SIPA1L3: variants seen among roughly 807,000 people sequenced by gnomAD.
The protein encoded by SIPA1L3 is signal induced proliferation associated 1 like 3, also known as signal-induced proliferation-associated 1-like protein 3.
SIPA1L3 carries 59 observed loss-of-function variants against 150.1 expected under a neutral mutation model. The ratio of observed to expected loss-of-function variants is 0.39; its 90% CI spans 0.32 to 0.49. SIPA1L3 has a LOEUF of 0.49. SIPA1L3 is among the 20% of genes least tolerant of loss of function. The pLI, the probability that SIPA1L3 is intolerant of heterozygous loss-of-function variation, is 0.86. For synonymous variants in SIPA1L3, 1,070 were observed against 1,077.6 expected, an observed-to-expected ratio of 0.99 and a Z score of 0.14; for missense variants, 2,211 against 2,489.5, an observed-to-expected ratio of 0.89 and a Z score of 2.38.
At chr19:38,201,816 G>T in intron 19 of SIPA1L3, 46 bp from the exon 20 acceptor site, 2 of 1,555,594 alleles carry the variant, frequency 1.3e-6, no homozygotes, top group South Asian at 1.2e-5. Context: ...TGCGGGAGAA[G>T]CCGGGAGCCT....
intron 1 of SIPA1L3, among the ~76,000 whole-genome samples, chr19:37,938,562 T>C (rs1336819670): frequency 6.6e-6 from 1 of 152,168 alleles, no homozygotes; most frequent in Non-Finnish European, 1.5e-5. Context: ...TTTTCATTCA[T>C]GTTTCTCCTT....
intron 12 of SIPA1L3, among the ~76,000 whole-genome samples, chr19:38,143,769 C>T (rs1443286444): frequency 1.3e-5 from 2 of 151,926 alleles, no homozygotes; most frequent in Non-Finnish European, 2.9e-5. Context: ...AAACTCCTGG[C>T]CTCAAGCGAT....
Position 38,198,389 on chromosome 19 carries a change from C to G in SIPA1L3, c.4841C>G (p.Ser1614Cys). The G allele has an allele frequency of 1.3e-6, 2 of 1,546,716 alleles. No homozygotes were observed. Among genetic ancestry groups the G allele is most frequent in the Non-Finnish European group, 1.7e-6 (2 of 1,148,580 alleles). Residue 1614 changes from serine to cysteine, a missense_variant and splice_region_variant, in exon 19 of 22, where the codon TCC becomes TGC. Coordinates refer to ENST00000222345, the MANE Select transcript of SIPA1L3 (RefSeq NM_015073.3). Reference protein sequence around the residue: ...AAGSGFPEKKSTISASELSLA... With the variant: ...AAGSGFPEKKCTISASELSLA... Reference sequence around the variant, plus strand: ...TGCCATCTCCACCCTCCCCATCCAGCCACCATCTCAGCCTCGGAGCTCTCG... The same window carrying G: ...TGCCATCTCCACCCTCCCCATCCAGGCACCATCTCAGCCTCGGAGCTCTCG...
At chr19:37,990,148 C>T (rs1967468003) in intron 1 of SIPA1L3, among the ~76,000 whole-genome samples, 1 of 152,144 alleles carries the variant, frequency 6.6e-6, no homozygotes, top group African/African-American at 2.4e-5. Flanking sequence ...CCGCATGCCT[C>T]TTCTGGTTGC....
intron 12 of SIPA1L3, among the ~76,000 whole-genome samples, chr19:38,144,439 G>A (rs1211997392): frequency 6.6e-6 from 1 of 152,240 alleles, no homozygotes; most frequent in Non-Finnish European, 1.5e-5. Flanking sequence ...CACCAAACCA[G>A]TGGTTCTCAA....
intron 15 of SIPA1L3, among the ~76,000 whole-genome samples, chr19:38,179,967 T>G (rs959497723): frequency 1.1e-3 from 163 of 152,242 alleles, no homozygotes; most frequent in African/African-American, 3.8e-3. Flanking sequence ...CTCAGCCTCC[T>G]GAGTAGCTGA....
At chr19:38,028,217 T>C (rs752047153) in intron 1 of SIPA1L3, among the ~76,000 whole-genome samples, 3 of 152,174 alleles carry the variant, frequency 2.0e-5, no homozygotes, top group Non-Finnish European at 4.4e-5. Flanking sequence ...ATTAATAATA[T>C]AAAGTTCCAA....
chr19:38,141,309 A>G lies in SIPA1L3; in HGVS notation c.3269A>G (p.His1090Arg), dbSNP rs776233238. The change falls in exon 11 of 22, where the codon CAT becomes CGT. Residue 1090 changes from histidine (H) to arginine (R), a missense_variant. Physicochemically the swap from His to Arg is conservative, Grantham distance 29. Around this residue, in one of 5 missense-constraint regions of SIPA1L3, gnomAD observed 806 missense variants for 870.1 expected, o/e 0.93. Transcript: ENST00000222345. ...TGGCAGTGGAGCGGGCCCGCATCCC[A>G]TAACTCTCTACCAGCCTCCAAGTGG... ...APWQWSGPAS[H>R]NSLPASKWAT... The G allele has an allele frequency of 4.3e-6, 7 of 1,613,862 alleles. No homozygotes were observed. The highest frequency in any genetic ancestry group is 1.6e-4 in the Middle Eastern group (1 of 6,062).
Position 38,095,454 on chromosome 19 carries a change from G to A in SIPA1L3, c.1666-4508G>A, listed in dbSNP as rs539916926. 4.6e-5 allele frequency among the ~76,000 whole-genome samples: 7 copies of A among 152,298 alleles called. No homozygotes were observed. In the South Asian group the frequency reaches 1.0e-3, roughly 23 times the overall value. On this transcript the variant is annotated intron_variant, in intron 4 of 21. Transcript: ENST00000222345. ...CAGCACAGAGTCAAGCGGGGAGTAC[G>A]TCTGAGTCAGGAGTGAGTGGGGATA...
intron 8 of SIPA1L3, 105 bp from the exon 9 acceptor site, chr19:38,119,201 A>T: frequency 1.7e-6 from 2 of 1,144,574 alleles, no homozygotes; most frequent in Non-Finnish European, 2.5e-6. Context: ...TCTCGATAAA[A>T]CAAACAAACA....
rs923460067 is a variant in SIPA1L3 at position 38,097,546 on chromosome 19, C to T, written c.1666-2416C>T. 4.6e-5 allele frequency among the ~76,000 whole-genome samples: 7 copies of T among 152,224 alleles called. No homozygotes were observed. The East Asian group carries it at 9.6e-4, about 21-fold the overall frequency. ...TGCTTTCTGATACTTTCTTTGGCCT[C>T]ACATCTATGTGTTATGTACTTTTTT... On this transcript the variant is annotated intron_variant, in intron 4 of 21. Transcript: ENST00000222345.
intron 1 of SIPA1L3, among the ~76,000 whole-genome samples, chr19:37,992,761 G>A (rs1298057716): frequency 2.6e-5 from 4 of 152,132 alleles, no homozygotes; most frequent in African/African-American, 4.8e-5. Flanking sequence ...TGTGGTTTTT[G>A]TGGGCCTGTT....
At chr19:38,154,482 T>C (rs1040989738) in intron 13 of SIPA1L3, among the ~76,000 whole-genome samples, 3 of 152,160 alleles carry the variant, frequency 2.0e-5, no homozygotes, top group African/African-American at 7.2e-5. Context: ...AGTTTCGCTC[T>C]TGTCACCCAG....
At chr19:38,066,176 C>CAACAAA (rs1338356443) in intron 2 of SIPA1L3, among the ~76,000 whole-genome samples, 1 of 151,104 alleles carries the variant, frequency 6.6e-6, no homozygotes, top group Non-Finnish European at 1.5e-5. Context: ...CCACACCTGG[C>CAACAAA]AAATTTTAAA....
At chr19:38,115,462 G>A (rs1427458516) in intron 8 of SIPA1L3, among the ~76,000 whole-genome samples, 1 of 152,200 alleles carries the variant, frequency 6.6e-6, no homozygotes, top group Admixed American at 6.5e-5. Context: ...ATCAGAGGGG[G>A]CAGACAGGAA....
chr19:38,117,950 C>T (rs1207221484), intron 8 of SIPA1L3, among the ~76,000 whole-genome samples: 2 of 152,102 alleles, frequency 1.3e-5, no homozygotes, highest in African/African-American at 4.8e-5. Context: ...CACACCCAGC[C>T]TCATTTTCTC....
intron 1 of SIPA1L3, among the ~76,000 whole-genome samples, chr19:37,944,398 G>T (rs1460493335): frequency 1.3e-5 from 2 of 152,164 alleles, no homozygotes; most frequent in Non-Finnish European, 1.5e-5. Context: ...TCTGTGCAGT[G>T]GATTGTTTGT....
intron 4 of SIPA1L3, among the ~76,000 whole-genome samples, chr19:38,096,759 G>T (rs1970388894): frequency 6.6e-6 from 1 of 152,206 alleles, no homozygotes; most frequent in Non-Finnish European, 1.5e-5. Flanking sequence ...GGCTGGTGGG[G>T]TGTAAATTGG....
At chr19:37,941,034 T>G (rs2046650033) in intron 1 of SIPA1L3, among the ~76,000 whole-genome samples, 1 of 151,534 alleles carries the variant, frequency 6.6e-6, no homozygotes, top group South Asian at 2.1e-4. Flanking sequence ...AATGAATCAT[T>G]GGATTTGCAG....
Sources: gnomAD v4.1 joint callset for allele counts (sites outside exome capture counted in the v4.1 genomes callset) on GRCh38, gnomAD v4.1.1 for gene constraint, gnomAD v4.1.1 regional missense constraint, MANE v1.5 for transcripts, NCBI Gene and HGNC (gene_info 2026-07-23, HGNC 2026-07-21) for gene names.